NELL2: variants seen among roughly 807,000 people sequenced by gnomAD.
NELL2 encodes protein kinase C-binding protein NELL2.
Under a neutral mutation model 109.6 loss-of-function variants are expected in NELL2, and 41 were observed. The observed-to-expected ratio is 0.37, with a 90% confidence interval of 0.29 to 0.49. The LOEUF is 0.49. Ranked by LOEUF, NELL2 falls within the 20% of genes least tolerant of loss-of-function variation. NELL2 has a pLI of 0.98. For missense variants in NELL2, 900 were observed against 1,008.3 expected, an observed-to-expected ratio of 0.89 and a Z score of 1.45; for synonymous variants, 355 against 344.7, an observed-to-expected ratio of 1.03 and a Z score of -0.33.
At position 44,858,177 on chromosome 12, in the gene NELL2, G is replaced by T. The variant is rs187508068; in HGVS notation, c.184+17048C>A. On this transcript the variant is annotated intron_variant, in intron 2 of 19. Coordinates refer to ENST00000429094, the MANE Select transcript of NELL2 (RefSeq NM_001145108.2). ...TACTATTACTATGCCAATTGAGGCA[G>T]AAATAAGTAACAAGATCAAGTTCAT... Among the ~76,000 whole-genome samples the T allele has an allele frequency of 9.7e-4, 147 of 152,294 alleles. 1 individual carries two copies. Among genetic ancestry groups the T allele is most frequent in the Admixed American group, 8.8e-3 (134 of 15,288 alleles).
At chr12:44,564,073 T>C (rs1356434637) in intron 15 of NELL2, among the ~76,000 whole-genome samples, 2 of 152,230 alleles carry the variant, frequency 1.3e-5, no homozygotes, top group Admixed American at 6.5e-5. Flanking sequence ...TAATATATGA[T>C]GGAACATTTC....
At chr12:44,872,892 T>C (rs1293092515) in intron 2 of NELL2, among the ~76,000 whole-genome samples, 1 of 152,202 alleles carries the variant, frequency 6.6e-6, no homozygotes, top group Non-Finnish European at 1.5e-5. Flanking sequence ...CTTCAGTCTG[T>C]ATATTTTTTT....
At chr12:44,671,632 A>C (rs570650254) in intron 12 of NELL2, among the ~76,000 whole-genome samples, 1 of 152,336 alleles carries the variant, frequency 6.6e-6, no homozygotes, top group Admixed American at 6.5e-5. Context: ...GACTATTATG[A>C]ATTGCTGCAT....
intron 2 of NELL2, among the ~76,000 whole-genome samples, chr12:44,856,593 G>A (rs1468895245): frequency 3.9e-5 from 6 of 152,150 alleles, no homozygotes; most frequent in African/African-American, 1.4e-4. Context: ...TCCAGGGCAC[G>A]GTGGACAGCC....
At chr12:44,618,929 T>C (rs1224077769) in intron 13 of NELL2, among the ~76,000 whole-genome samples, 1 of 152,146 alleles carries the variant, frequency 6.6e-6, no homozygotes, top group East Asian at 1.9e-4. Flanking sequence ...ATTTTATAAA[T>C]GAGAATACAG....
chr12:44,624,647 G>A (rs1182642728), intron 13 of NELL2, among the ~76,000 whole-genome samples: 1 of 152,030 alleles, frequency 6.6e-6, no homozygotes, highest in Non-Finnish European at 1.5e-5. Flanking sequence ...TCCCTTTAAG[G>A]TAAAGTGGGA....
Position 44,711,397 on chromosome 12 carries a change from G to A in NELL2, c.1087-3C>T, listed in dbSNP as rs374359700. On this transcript the variant is annotated splice_polypyrimidine_tract_variant and splice_region_variant and intron_variant, in intron 10 of 19. Coordinates refer to ENST00000429094, the MANE Select transcript of NELL2 (RefSeq NM_001145108.2). ...TCAACAAGTTTCATGGTCTGGTCCT[G>A]TTAGACAACAGAAAAGAAGTGCTTC... The A allele has an allele frequency of 1.5e-5, 24 of 1,609,534 alleles. No homozygotes were observed. In the African/African-American group the frequency reaches 3.1e-4, roughly 21 times the overall value.
At chr12:44,565,318 G>A (rs149802979) in intron 15 of NELL2, among the ~76,000 whole-genome samples, 94 of 152,090 alleles carry the variant, frequency 6.2e-4, no homozygotes, top group African/African-American at 2.1e-3. Context: ...ACATAATAAC[G>A]ATTATATGTA....
chr12:44,752,629 C>A (rs6582514), intron 9 of NELL2, among the ~76,000 whole-genome samples: 104,698 of 152,000 alleles, frequency 0.69, 36,393 homozygotes, highest in Non-Finnish European at 0.74. Context: ...AGTTCCCCAG[C>A]ACTCTGCATT....
chr12:44,742,238 C>T lies in NELL2; in HGVS notation c.995-27497G>A, dbSNP rs184301156. Reference sequence around the variant, plus strand: ...CCTCTAGCAAACTCCAACAGACCTGCAGCTGAGGGTCCTCTCTGTTGGAAG... The same window carrying T: ...CCTCTAGCAAACTCCAACAGACCTGTAGCTGAGGGTCCTCTCTGTTGGAAG... On this transcript the variant is annotated intron_variant, in intron 9 of 19. Transcript: ENST00000429094. Among the ~76,000 whole-genome samples, 367 of 152,340 alleles carry T rather than the reference C, an allele frequency of 2.4e-3. 1 individual carries two copies. Among genetic ancestry groups the T allele is most frequent in the Non-Finnish European group, 4.0e-3 (271 of 68,032 alleles).
intron 12 of NELL2, among the ~76,000 whole-genome samples, chr12:44,671,905 C>T (rs1039097093): frequency 2.6e-5 from 4 of 152,188 alleles, no homozygotes; most frequent in African/African-American, 9.7e-5. Context: ...TCAACAAGTC[C>T]ATGTGCACAA....
chr12:44,559,467 T>C (rs550456955), intron 15 of NELL2, among the ~76,000 whole-genome samples: 5 of 152,178 alleles, frequency 3.3e-5, no homozygotes, highest in Non-Finnish European at 5.9e-5. Flanking sequence ...AGCCTCAACA[T>C]AAAGGGATGG....
intron 12 of NELL2, among the ~76,000 whole-genome samples, chr12:44,683,186 G>C (rs1046221624): frequency 6.6e-6 from 1 of 152,122 alleles, no homozygotes; most frequent in Non-Finnish European, 1.5e-5. Context: ...AAGCAATTGT[G>C]AACGGGAGTT....
chr12:44,640,830 C>T (rs896281192), intron 13 of NELL2, among the ~76,000 whole-genome samples: 1 of 152,160 alleles, frequency 6.6e-6, no homozygotes, highest in Non-Finnish European at 1.5e-5. Flanking sequence ...TTCCTTCCGT[C>T]ATCAAATATA....
At chr12:44,824,914 G>C (rs1014831541) in intron 2 of NELL2, among the ~76,000 whole-genome samples, 24 of 151,870 alleles carry the variant, frequency 1.6e-4, no homozygotes, top group Admixed American at 3.3e-4. Context: ...GTTTCACCAT[G>C]TTAGCCAGGA....
At chr12:44,737,208 G>C (rs1450673333) in intron 9 of NELL2, among the ~76,000 whole-genome samples, 1 of 151,880 alleles carries the variant, frequency 6.6e-6, no homozygotes, top group Non-Finnish European at 1.5e-5. Flanking sequence ...TAATTTTTGA[G>C]TATTTTATTT....
intron 13 of NELL2, among the ~76,000 whole-genome samples, chr12:44,641,714 T>TG (rs1185139724): frequency 6.9e-6 from 1 of 145,670 alleles, no homozygotes; most frequent in African/African-American, 2.6e-5. Context: ...TTTTTTTTTT[T>TG]GAGATGGAGT....
intron 13 of NELL2, among the ~76,000 whole-genome samples, chr12:44,650,022 A>C (rs1947245809): frequency 1.3e-5 from 2 of 152,224 alleles, no homozygotes; most frequent in Non-Finnish European, 2.9e-5. Flanking sequence ...AATATCAGGC[A>C]AGCTAAAACC....
chr12:44,652,356 A>C (rs1947330288), intron 13 of NELL2, among the ~76,000 whole-genome samples: 1 of 152,164 alleles, frequency 6.6e-6, no homozygotes, highest in African/African-American at 2.4e-5. Flanking sequence ...TGTATAGTCT[A>C]TTTCTGTGTG....
Sources: allele counts gnomAD v4.1 joint callset (sites outside exome capture counted in the v4.1 genomes callset), GRCh38; gene constraint gnomAD v4.1.1; transcripts MANE v1.5; gene names NCBI Gene and HGNC (gene_info 2026-07-23, HGNC 2026-07-21).